The following TMPRSS11B variants were observed in gnomAD, a reference collection of about 807,000 sequenced individuals.
TMPRSS11B encodes the protein transmembrane protease serine 11B.
Under a neutral mutation model 44.7 loss-of-function variants are expected in TMPRSS11B, and 53 were observed. That is an observed-to-expected ratio of 1.19 (90% CI 0.95 to 1.49). The LOEUF is 1.49. TMPRSS11B is among the 40% of genes most tolerant of loss of function. The pLI is 0.00. For missense variants in TMPRSS11B, 526 were observed against 494.8 expected (o/e 1.06, Z -0.60); for synonymous variants, 140 against 159.2 (o/e 0.88, Z 0.91).
chr4:68,236,218 T>C lies in TMPRSS11B; in HGVS notation c.173A>G (p.Tyr58Cys). The C allele has an allele frequency of 6.2e-7, 1 of 1,612,674 alleles. No individual in the cohort carries two copies. Among genetic ancestry groups the C allele is most frequent in the East Asian group, 2.2e-5 (1 of 44,790 alleles). Residue 58 changes from tyrosine to cysteine, a missense_variant, in exon 3 of 10, where the codon TAC becomes TGC. Coordinates refer to ENST00000332644, the MANE Select transcript of TMPRSS11B (RefSeq NM_182502.3). ...QGDFHISGVT[Y>C]NDNCENAASQ... The stretch of plus-strand genomic sequence containing the variant: ...AGCTGCGTTTTCACAATTATCATTG[T>C]ATGTGACTCCAGAAATATGAAAATC...
At chr4:68,232,171 C>A in intron 6 of TMPRSS11B, 1 of 336,972 alleles carries the variant, frequency 3.0e-6, no homozygotes. Flanking sequence ...TTTCATTTAA[C>A]TTTTTATATA....
chr4:68,237,331 T>C (rs1042708224), intron 2 of TMPRSS11B, among the ~76,000 whole-genome samples: 33 of 152,266 alleles, frequency 2.2e-4, no homozygotes, highest in African/African-American at 7.2e-4. Flanking sequence ...CTTTACCCAG[T>C]CTATCATTGA....
At chr4:68,241,655 G>A (rs757221724) in intron 2 of TMPRSS11B, 34 bp downstream of exon 2, 1 of 1,291,128 alleles carries the variant, frequency 7.7e-7, no homozygotes, top group South Asian at 1.3e-5. Flanking sequence ...AAGATTTATA[G>A]CAAGGATGAA....
Position 68,229,474 on chromosome 4 carries a change from T to C in TMPRSS11B, c.729A>G (p.Val243=), listed in dbSNP as rs1248672934. 6.2e-7 allele frequency: 1 copy of C among 1,613,198 alleles called. No individual in the cohort carries two copies. The highest frequency in any genetic ancestry group is 1.3e-5 in the African/African-American group (1 of 74,904). ...TCCGTGTCATATATGGTTTATTTACTACAATTCCAAAGTTGACAGTCCAAT... is the reference window on the plus strand; with the variant it reads ...TCCGTGTCATATATGGTTTATTTACCACAATTCCAAAGTTGACAGTCCAAT... ...SKDWTVNFGI[V]VNKPYMTRKV... Residue 243 remains valine (V), a synonymous_variant, in exon 8 of 10, where the codon GTA becomes GTG. Transcript: ENST00000332644.
intron 7 of TMPRSS11B, among the ~76,000 whole-genome samples, chr4:68,230,803 CAAA>C (rs34025669): frequency 3.1e-5 from 4 of 128,790 alleles, no homozygotes; most frequent in Admixed American, 7.9e-5. Flanking sequence ...GACTCCATCT[CAAA>C]AAAAAAAAAA....
chr4:68,244,254 T>G (rs539884377), intron 1 of TMPRSS11B, among the ~76,000 whole-genome samples: 1 of 152,350 alleles, frequency 6.6e-6, no homozygotes, highest in East Asian at 1.9e-4. Context: ...AAATTAATCT[T>G]CAATGAATTT....
At chr4:68,234,044 T>A (rs1306188203) in intron 5 of TMPRSS11B, among the ~76,000 whole-genome samples, 2 of 151,860 alleles carry the variant, frequency 1.3e-5, no homozygotes, top group African/African-American at 4.8e-5. Flanking sequence ...TGGTGGCGGA[T>A]GCTTGTAGTC....
chr4:68,234,035 G>A (rs530101175), intron 5 of TMPRSS11B, among the ~76,000 whole-genome samples: 1 of 151,992 alleles, frequency 6.6e-6, no homozygotes, highest in East Asian at 1.9e-4. Context: ...AGCCAGGTGT[G>A]GTGGCGGATG....
chr4:68,232,403 A>G lies in TMPRSS11B; in HGVS notation c.483T>C (p.Ala161=). The change falls in exon 6 of 10, where the codon GCT becomes GCC. Residue 161 remains alanine, a synonymous_variant. Transcript: ENST00000332644. ...ASIKLMEISK[A]ASEMLTNNCC... is the part of the protein sequence containing the mutation. ...AGTTGTTGGTAAGCATTTCAGAAGC[A>G]GCCTTGCTGATTTCTGAAAGTGAAA... 1 of 1,612,194 alleles carries G rather than the reference A, an allele frequency of 6.2e-7. No homozygotes were observed. Among genetic ancestry groups the G allele is most frequent in the South Asian group, 1.1e-5 (1 of 90,770 alleles).
rs757266337 is a variant in TMPRSS11B, at chr4:68,227,895, T to C, written c.*16A>G. 6.3e-7 allele frequency: 1 copy of C among 1,593,838 alleles called. No individual in the cohort carries two copies. Among genetic ancestry groups the C allele is most frequent in the South Asian group, 1.2e-5 (1 of 86,924 alleles). On this transcript the variant is annotated 3_prime_UTR_variant, in exon 10 of 10. Transcript: ENST00000332644. ...CTACAGTGGTCTTTATGTTCCTTTG[T>C]ATAATTCCTTTTTTTTCAGAGTCCA...
chr4:68,243,852 C>T (rs1350309091), intron 1 of TMPRSS11B, among the ~76,000 whole-genome samples: 3 of 152,102 alleles, frequency 2.0e-5, no homozygotes, highest in African/African-American at 4.8e-5. Context: ...CTTTACCCAG[C>T]TTAAAAGAGA....
At chr4:68,231,709 C>T (rs1719520800) in intron 6 of TMPRSS11B, 2 of 207,214 alleles carry the variant, frequency 9.7e-6, no homozygotes, top group Admixed American at 1.1e-4. Flanking sequence ...ATATGCACTG[C>T]TGTCTGTAAG....
Position 68,234,648 on chromosome 4 carries a change from T to C in TMPRSS11B, c.309-25A>G. 4 of 1,609,490 alleles carry C rather than the reference T, an allele frequency of 2.5e-6. No individual in the cohort carries two copies. In the South Asian group the frequency reaches 3.3e-5, roughly 13 times the overall value. On this transcript the variant is annotated intron_variant, in intron 4 of 9. Transcript: ENST00000332644. ...CCTAGAAACAACAGAAATTTTCTAATGTACTGTTTCTTGATCTTTTAGAGG... is the reference window on the plus strand; with the variant it reads ...CCTAGAAACAACAGAAATTTTCTAACGTACTGTTTCTTGATCTTTTAGAGG...
intron 2 of TMPRSS11B, among the ~76,000 whole-genome samples, chr4:68,238,097 A>G (rs1337002088): frequency 1.3e-5 from 2 of 152,180 alleles, no homozygotes; most frequent in Admixed American, 6.6e-5. Flanking sequence ...GTATTTTGAG[A>G]GCAATTGTGC....
In TMPRSS11B at chr4:68,234,597, T is replaced by C. The variant is rs762948334; in HGVS notation, c.335A>G (p.Gln112Arg). The change falls in exon 5 of 10, where the codon CAG becomes CGG. Residue 112 changes from glutamine (Q) to arginine (R), a missense_variant. By Grantham distance (43) the Gln-to-Arg change is conservative. Transcript: ENST00000332644. Reference sequence around the variant, plus strand: ...AGGAAACTTGAATTTCAGCTGTAACTGCACATTTGAACCATTGGCATTAGG... The same window carrying C: ...AGGAAACTTGAATTTCAGCTGTAACCGCACATTTGAACCATTGGCATTAGG... Reference protein sequence around the residue: ...LLPNANGSNVQLQLKFKFPPA... With the variant: ...LLPNANGSNVRLQLKFKFPPA... The C allele has an allele frequency of 6.2e-7, 1 of 1,613,936 alleles. No individual in the cohort carries two copies. The highest frequency in any genetic ancestry group is 1.1e-5 in the South Asian group (1 of 91,076).
intron 1 of TMPRSS11B, 81 bp downstream of exon 1, chr4:68,245,469 CA>C (rs773337330): frequency 3.5e-4 from 503 of 1,421,010 alleles, no homozygotes; most frequent in Admixed American, 5.9e-4. Flanking sequence ...TAAAAACAGT[CA>C]ATTAACAAAA....
chr4:68,241,784 C>T lies in TMPRSS11B; in HGVS notation c.29G>A (p.Arg10Lys). The change falls in exon 2 of 10, where the codon AGA becomes AAA. Residue 10 changes from arginine (R) to lysine (K), a missense_variant. Physicochemically the swap from Arg to Lys is conservative, Grantham distance 26 (BLOSUM62 2). Transcript: ENST00000332644. The part of the protein sequence containing the change: MYRHGISSQ[R>K]SWPLWTTIFI... ...GATCGTAGTCCATAGTGGCCAAGAT[C>T]TTTGGGAAGATATGCCGTGCCTATG... is the stretch of plus-strand genomic sequence containing the variant. 4 of 1,613,028 alleles carry T rather than the reference C, an allele frequency of 2.5e-6. No individual in the cohort carries two copies. Among genetic ancestry groups the T allele is most frequent in the Non-Finnish European group, 3.4e-6 (4 of 1,179,334 alleles).
At position 68,241,807 on chromosome 4, in the gene TMPRSS11B, A is replaced by G. The variant is rs1719831201; in HGVS notation, c.9-3T>C. 1 of 1,602,832 alleles carries G rather than the reference A, an allele frequency of 6.2e-7. No individual in the cohort carries two copies. ...ATCTTTGGGAAGATATGCCGTGCCTATGAAAGAGGAAAATTTTGGTTCAAA... is the reference window on the plus strand; with the variant it reads ...ATCTTTGGGAAGATATGCCGTGCCTGTGAAAGAGGAAAATTTTGGTTCAAA... On this transcript the variant is annotated splice_polypyrimidine_tract_variant and splice_region_variant and intron_variant, in intron 1 of 9. Transcript: ENST00000332644.
intron 2 of TMPRSS11B, among the ~76,000 whole-genome samples, chr4:68,237,829 A>G (rs1264392094): frequency 6.6e-6 from 1 of 152,192 alleles, no homozygotes; most frequent in Non-Finnish European, 1.5e-5. Context: ...CAGCCTGGAC[A>G]GCATAGTGAG....
Sources: allele counts gnomAD v4.1 joint callset (sites outside exome capture counted in the v4.1 genomes callset), GRCh38; gene constraint gnomAD v4.1.1; transcripts MANE v1.5; gene names NCBI Gene and HGNC (gene_info 2026-07-23, HGNC 2026-07-21).